ZYX: variants seen among roughly 807,000 people sequenced by gnomAD.
ZYX encodes zyxin, also known as zyxin-2.
In ZYX, 37 loss-of-function variants were observed where a neutral mutation model predicts 58.1. The ratio of observed to expected loss-of-function variants is 0.64; its 90% confidence interval spans 0.49 to 0.84. The LOEUF (loss-of-function observed/expected upper bound fraction) is 0.84. ZYX is among the 40% of genes least tolerant of loss of function. The probability of loss-of-function intolerance (pLI) is 0.00; values close to 1 mark genes in which losing one functional copy is unlikely to be tolerated. For missense variants in ZYX, 762 were observed against 761.6 expected, an observed-to-expected ratio of 1.00 and a Z score of -0.01; for synonymous variants, 324 against 321.1, an observed-to-expected ratio of 1.01 and a Z score of -0.10.
At position 143,389,125 on chromosome 7, in the gene ZYX, G is replaced by C. The variant is rs1195419253; in HGVS notation, c.1493+180G>C. 6.6e-6 allele frequency among the ~76,000 whole-genome samples: 1 copy of C among 152,240 alleles called. No individual in the cohort carries two copies. The highest frequency in any genetic ancestry group is 1.5e-5 in the Non-Finnish European group (1 of 68,048). ...GTAGCTGTCCAGGGGCCTTAGGCCT[G>C]GGCATCGAGTCCTGCTGCTGTCTGG... On this transcript the variant is annotated intron_variant, in intron 8 of 9. Transcript: ENST00000322764. The surrounding 1 kb of genome is among the most constrained non-coding windows in gnomAD (Gnocchi z 5.6).
rs553917500 is a variant in ZYX at position 143,385,583 on chromosome 7, T to C, written c.1023+2261T>C. Among the ~76,000 whole-genome samples, 4 of 150,706 alleles carry C rather than the reference T, an allele frequency of 2.7e-5. No individual in the cohort carries two copies. In the South Asian group the frequency reaches 8.4e-4, roughly 32 times the overall value. ...TTGCACAAGTGAAGGTGCACATACA[T>C]ACTTTCTTACAAATACACACAAGTG... On this transcript the variant is annotated intron_variant, in intron 5 of 9. Coordinates refer to ENST00000322764, the MANE Select transcript of ZYX (RefSeq NM_003461.5).
chr7:143,385,803 C>CTGGCTAA (rs1472151988), intron 5 of ZYX, among the ~76,000 whole-genome samples: 1 of 151,558 alleles, frequency 6.6e-6, no homozygotes, highest in Non-Finnish European at 1.5e-5. Flanking sequence ...TCCACCACAC[C>CTGGCTAA]TGGCTAATTT....
intron 2 of ZYX, 76 bp downstream of exon 2, chr7:143,381,855 G>A (rs1804610062): frequency 2.9e-6 from 4 of 1,369,514 alleles, no homozygotes; most frequent in Non-Finnish European, 3.9e-6. Context: ...ATTTGGGGAT[G>A]TCTGGAAAGG....
chr7:143,388,387 TG>T lies in ZYX; in HGVS notation c.1144+53del, dbSNP rs1804943508. Reference sequence around the variant, plus strand: ...CCCCCACCCTGCCCCCACATCACGGTGGGGGCCAGGGCTGTGGCTCCACTCC... The same window carrying T: ...CCCCCACCCTGCCCCCACATCACGGTGGGGCCAGGGCTGTGGCTCCACTCC... On this transcript the variant is annotated intron_variant, in intron 6 of 9. Transcript: ENST00000322764. The surrounding 1 kb of genome is among the most constrained non-coding windows in gnomAD (Gnocchi z 7.5). 1 of 1,611,204 alleles carries T rather than the reference TG, an allele frequency of 6.2e-7. No homozygotes were observed. The highest frequency in any genetic ancestry group is 8.5e-7 in the Non-Finnish European group (1 of 1,178,384).
Position 143,388,720 on chromosome 7 carries a change from C to T in ZYX, c.1315-47C>T, listed in dbSNP as rs778220389. The T allele has an allele frequency of 6.2e-7, 1 of 1,609,634 alleles. No homozygotes were observed. Among genetic ancestry groups the T allele is most frequent in the African/African-American group, 1.3e-5 (1 of 74,960 alleles). ...TGGGCAGTCGGGCCCTGGAAGCTTG[C>T]TGTGGGGTGCCGGTTCCCTGCCAAC... On this transcript the variant is annotated intron_variant, in intron 7 of 9. Coordinates refer to ENST00000322764, the MANE Select transcript of ZYX (RefSeq NM_003461.5). The surrounding 1 kb of genome is among the most constrained non-coding windows in gnomAD (Gnocchi z 7.5).
Position 143,382,335 on chromosome 7 carries a change from C to T in ZYX, c.296C>T (p.Pro99Leu), listed in dbSNP as rs557820335. ...GGTGCCTTCCCGCCGCCCCCTCCCCCGATCGAGGAATCATTTCCCCCTGCG... is the reference window on the plus strand; with the variant it reads ...GGTGCCTTCCCGCCGCCCCCTCCCCTGATCGAGGAATCATTTCCCCCTGCG... Reference protein sequence around the residue: ...LGGAFPPPPPPIEESFPPAPL... With the variant: ...LGGAFPPPPPLIEESFPPAPL... The change falls in exon 3 of 10, where the codon CCG becomes CTG. Residue 99 changes from proline to leucine, a missense_variant. Coordinates refer to ENST00000322764, the MANE Select transcript of ZYX (RefSeq NM_003461.5). The T allele has an allele frequency of 7.5e-6, 12 of 1,606,774 alleles. No homozygotes were observed. The highest frequency in any genetic ancestry group is 5.1e-5 in the Admixed American group (3 of 58,970).
At position 143,387,103 on chromosome 7, in the gene ZYX, C is replaced by T. The variant is rs1300107624; in HGVS notation, c.1024-1116C>T. On this transcript the variant is annotated intron_variant, in intron 5 of 9. Coordinates refer to ENST00000322764, the MANE Select transcript of ZYX (RefSeq NM_003461.5). The surrounding 1 kb of genome is among the most constrained non-coding windows in gnomAD (Gnocchi z 5.8). ...AAGTTGAAGTGAGTGTTCCAGGGAA[C>T]GAGTCAGTTAAGAGATGGTAGGATC... Among the ~76,000 whole-genome samples the T allele has an allele frequency of 6.6e-6, 1 of 151,978 alleles. No homozygotes were observed. Among genetic ancestry groups the T allele is most frequent in the African/African-American group, 2.4e-5 (1 of 41,374 alleles).
intron 5 of ZYX, among the ~76,000 whole-genome samples, chr7:143,385,660 C>CTTGTTTTTTTTTTTTT (rs1804833681): frequency 1.5e-5 from 1 of 68,960 alleles, no homozygotes; most frequent in Non-Finnish European, 2.6e-5. Context: ...TGTGGTATAT[C>CTTGTTTTTTTTTTTTT]TTTTTTTTTT....
At chr7:143,381,455 G>C in intron 1 of ZYX, 46 bp downstream of exon 1, 1 of 1,298,268 alleles carries the variant, frequency 7.7e-7, no homozygotes, top group Non-Finnish European at 9.8e-7. Flanking sequence ...GAGGGGGCGC[G>C]GGGCGCCGGG....
At position 143,382,365 on chromosome 7, in the gene ZYX, T is replaced by C; in HGVS notation, c.326T>C (p.Leu109Pro). 1 of 1,593,316 alleles carries C rather than the reference T, an allele frequency of 6.3e-7. No individual in the cohort carries two copies. The highest frequency in any genetic ancestry group is 8.6e-7 in the Non-Finnish European group (1 of 1,168,594). Residue 109 changes from leucine (L) to proline (P), a missense_variant, in exon 3 of 10, where the codon CTG (leucine) becomes CCG (proline). Leu to Pro is a moderately conservative substitution (Grantham distance 98). Transcript: ENST00000322764. Reference sequence around the variant, plus strand: ...GAGGAATCATTTCCCCCTGCGCCTCTGGAGGAGGAGATCTTCCCTTCCCCG... The same window carrying C: ...GAGGAATCATTTCCCCCTGCGCCTCCGGAGGAGGAGATCTTCCCTTCCCCG... ...PIEESFPPAP[L>P]EEEIFPSPPP...
Position 143,384,015 on chromosome 7 carries a change from T to G in ZYX, c.1023+693T>G. 1 of 353,854 alleles carries G rather than the reference T, an allele frequency of 2.8e-6. No homozygotes were observed. The highest frequency in any genetic ancestry group is 5.7e-6 in the Non-Finnish European group (1 of 175,588). The allele number at this position is 353,854 out of a possible 1,614,324, so 21.9% of individuals were successfully genotyped here. On this transcript the variant is annotated intron_variant, in intron 5 of 9. Transcript: ENST00000322764. This position sits in a 1 kb window ranked among gnomAD's most constrained non-coding sequence, Gnocchi z 4.9. ...ATTGGGTGAGCTAATACCTAGAGAG[T>G]GTTGGGTTCTGTATCTAGTACAGGA... is the stretch of plus-strand genomic sequence containing the variant.
At chr7:143,382,151 G>T in intron 2 of ZYX, 97 bp from the exon 3 acceptor site, 1 of 1,045,552 alleles carries the variant, frequency 9.6e-7, no homozygotes, top group South Asian at 1.5e-5. Flanking sequence ...GGACCCCTGA[G>T]AGAGTTCTTG....
At chr7:143,386,249 T>G (rs1804862374) in intron 5 of ZYX, among the ~76,000 whole-genome samples, 1 of 151,986 alleles carries the variant, frequency 6.6e-6, no homozygotes, top group Non-Finnish European at 1.5e-5. Context: ...CTTCGGTCCC[T>G]GGAGGAGATC....
Position 143,384,611 on chromosome 7 carries a change from G to A in ZYX, c.1023+1289G>A, listed in dbSNP as rs1158458792. 1.3e-5 allele frequency among the ~76,000 whole-genome samples: 2 copies of A among 152,074 alleles called. No homozygotes were observed. The highest frequency in any genetic ancestry group is 2.4e-5 in the African/African-American group (1 of 41,390). ...AGTGATGGGTGTGAATTCACTCTTG[G>A]GCAATAGTAATGTTAGCTGCAATGA... On this transcript the variant is annotated intron_variant, in intron 5 of 9. Coordinates refer to ENST00000322764, the MANE Select transcript of ZYX (RefSeq NM_003461.5). This position sits in a 1 kb window ranked among gnomAD's most constrained non-coding sequence, Gnocchi z 4.9.
chr7:143,388,489 A>T lies in ZYX; in HGVS notation c.1145A>T (p.Glu382Val). 6.2e-7 allele frequency: 1 copy of T among 1,610,240 alleles called. No individual in the cohort carries two copies. Among genetic ancestry groups the T allele is most frequent in the South Asian group, 1.1e-5 (1 of 90,994 alleles). ...HPQRQNVAVNELCGRCHQPLA... is the reference protein window; with the variant it reads ...HPQRQNVAVNVLCGRCHQPLA... Reference sequence around the variant, plus strand: ...CTGCTGTCTTCTCTGGCCTTCCCAGAACTCTGCGGCCGATGCCATCAACCC... The same window carrying T: ...CTGCTGTCTTCTCTGGCCTTCCCAGTACTCTGCGGCCGATGCCATCAACCC... Residue 382 changes from glutamate (E) to valine (V), a missense_variant and splice_region_variant, in exon 7 of 10, where the codon GAA (glutamate) becomes GTA (valine). By Grantham distance (121) the Glu-to-Val change is moderately radical. Transcript: ENST00000322764. This position sits in a 1 kb window ranked among gnomAD's most constrained non-coding sequence, Gnocchi z 7.5.
chr7:143,383,325 G>GCGCTCCCC lies in ZYX; in HGVS notation c.1023+3_1023+4insCGCTCCCC. 6.3e-7 allele frequency: 1 copy of GCGCTCCCC among 1,593,674 alleles called. No individual in the cohort carries two copies. On this transcript the variant is annotated splice_donor_region_variant and intron_variant, in intron 5 of 9. Transcript: ENST00000322764. ...CACCGGCTCAGAACCAAAACCAGGTGAGGGATGGTGATAGGACAAGGCTTG... is the reference window on the plus strand; with the variant it reads ...CACCGGCTCAGAACCAAAACCAGGTGCGCTCCCCAGGGATGGTGATAGGACAAGGCTTG...
Position 143,381,587 on chromosome 7 carries a change from C to G in ZYX, c.16C>G (p.Pro6Ala), listed in dbSNP as rs909896580. Residue 6 changes from proline (P) to alanine (A), a missense_variant, in exon 2 of 10, where the codon CCG becomes GCG. Physicochemically the swap from Pro to Ala is conservative, Grantham distance 27. Transcript: ENST00000322764. MAAPR[P>A]SPAISVSVSA... ...CGGCCCGGCCATGGCGGCCCCCCGCCCGTCTCCCGCGATCTCCGTTTCGGT... is the reference window on the plus strand; with the variant it reads ...CGGCCCGGCCATGGCGGCCCCCCGCGCGTCTCCCGCGATCTCCGTTTCGGT... 2 of 1,610,788 alleles carry G rather than the reference C, an allele frequency of 1.2e-6. No individual in the cohort carries two copies. The highest frequency in any genetic ancestry group is 1.7e-6 in the Non-Finnish European group (2 of 1,178,952).
rs966933372 is a variant in ZYX, at chr7:143,390,222, G to A, written c.1614+245G>A. The A allele has an allele frequency of 8.2e-5, 46 of 564,318 alleles. No homozygotes were observed. The African/African-American group carries it at 8.3e-4, about 10-fold the overall frequency. 35.0% of individuals were successfully genotyped at this position (564,318 alleles called of 1,614,324 possible). A position where few individuals can be genotyped will look rare whatever the true frequency, so the allele number is the denominator to read the frequency against. ...GCCAAGAAATGGGACAAGCCAATAGGAGAGAAGAAGGGCATGGTGTTTTAC... is the reference window on the plus strand; with the variant it reads ...GCCAAGAAATGGGACAAGCCAATAGAAGAGAAGAAGGGCATGGTGTTTTAC... On this transcript the variant is annotated intron_variant, in intron 9 of 9. Coordinates refer to ENST00000322764, the MANE Select transcript of ZYX (RefSeq NM_003461.5). The surrounding 1 kb of genome is among the most constrained non-coding windows in gnomAD (Gnocchi z 4.3).
intron 5 of ZYX, among the ~76,000 whole-genome samples, chr7:143,385,784 C>T (rs1804843845): frequency 6.8e-6 from 1 of 146,770 alleles, no homozygotes; most frequent in African/African-American, 2.5e-5. Context: ...GCTGGGATTA[C>T]AGGCACGTTC....
Sources: gnomAD v4.1 joint callset for allele counts (sites outside exome capture counted in the v4.1 genomes callset) on GRCh38, gnomAD v4.1.1 for gene constraint, Gnocchi (gnomAD v3.1) non-coding constraint, MANE v1.5 for transcripts, NCBI Gene and HGNC (gene_info 2026-07-23, HGNC 2026-07-21) for gene names.